Variants in VASP observed in about 807,000 individuals in gnomAD.
VASP encodes the protein vasodilator-stimulated phosphoprotein.
In VASP, 27 loss-of-function variants were observed where a neutral mutation model predicts 54.4. The observed-to-expected ratio is 0.50, with a 90% CI of 0.37 to 0.68. The LOEUF is 0.68. VASP is among the 30% of genes least tolerant of loss of function. The probability of loss-of-function intolerance (pLI) is 0.00; values close to 1 mark genes in which losing one functional copy is unlikely to be tolerated. For missense variants in VASP, 488 were observed against 528.3 expected (o/e 0.92, Z 0.75); for synonymous variants, 233 against 209.8 (o/e 1.11, Z -0.96).
chr19:45,514,891 A>G (rs1968672303), intron 1 of VASP, among the ~76,000 whole-genome samples: 2 of 152,170 alleles, frequency 1.3e-5, no homozygotes, highest in African/African-American at 2.4e-5. Flanking sequence ...CTGAATTCAC[A>G]TCTTCACTCT....
intron 7 of VASP, among the ~76,000 whole-genome samples, chr19:45,523,189 AATTTTTTTTTTTTT>A (rs938073490): frequency 1.8e-4 from 19 of 107,002 alleles, no homozygotes; most frequent in Admixed American, 8.8e-4. Flanking sequence ...CAATCTCTTG[AATTTTTTTTTTTTT>A]TTTTTTTTTT....
intron 1 of VASP, among the ~76,000 whole-genome samples, chr19:45,514,861 G>A (rs7255743): frequency 0.011 from 1,603 of 152,298 alleles, 20 homozygotes; most frequent in Non-Finnish European, 0.017. Context: ...CACAGTTCCC[G>A]GTGGTTAAGG....
In VASP at chr19:45,507,640, C is replaced by T. The variant is rs1599924940; in HGVS notation, c.-132C>T. 2.5e-6 allele frequency: 3 copies of T among 1,211,294 alleles called. No individual in the cohort carries two copies. Among genetic ancestry groups the T allele is most frequent in the Non-Finnish European group, 3.4e-6 (3 of 886,760 alleles). 75.0% of individuals were successfully genotyped at this position (1,211,294 alleles called of 1,614,324 possible). A position where few individuals can be genotyped will look rare whatever the true frequency, so the allele number is the denominator to read the frequency against. ...CCGGTCCACATTCTCCCCAGGAAGC[C>T]GGACTCTATGGGGCGGGACCCTGGG... is the stretch of plus-strand genomic sequence containing the variant. On this transcript the variant is annotated 5_prime_UTR_variant, in exon 1 of 13. Transcript: ENST00000245932. The surrounding 1 kb of genome is among the most constrained non-coding windows in gnomAD (Gnocchi z 4.4).
intron 1 of VASP, among the ~76,000 whole-genome samples, chr19:45,511,123 G>T (rs1042919803): frequency 6.6e-5 from 10 of 152,234 alleles, no homozygotes; most frequent in Middle Eastern, 3.4e-3. Context: ...GAAGGGACTA[G>T]AGTAGCCCCA....
intron 1 of VASP, among the ~76,000 whole-genome samples, chr19:45,513,465 CTCCT>C (rs1403865455): frequency 1.1e-4 from 13 of 120,898 alleles, no homozygotes; most frequent in African/African-American, 4.1e-4. Flanking sequence ...GCTAGTCTCT[CTCCT>C]TTTTTTTTTT....
At chr19:45,509,937 T>C (rs1968568640) in intron 1 of VASP, among the ~76,000 whole-genome samples, 1 of 152,116 alleles carries the variant, frequency 6.6e-6, no homozygotes, top group African/African-American at 2.4e-5. Flanking sequence ...AGAGAGGATG[T>C]TAAGATGGAA....
Position 45,517,942 on chromosome 19 carries a change from G to A in VASP, c.191G>A (p.Cys64Tyr), listed in dbSNP as rs1261500376. 1.9e-6 allele frequency: 3 copies of A among 1,610,720 alleles called. No individual in the cohort carries two copies. Among genetic ancestry groups the A allele is most frequent in the Admixed American group, 3.4e-5 (2 of 59,636 alleles). Residue 64 changes from cysteine to tyrosine, a missense_variant, in exon 3 of 13, where the codon TGT becomes TAT. By Grantham distance (194) the Cys-to-Tyr change is radical. Coordinates refer to ENST00000245932, the MANE Select transcript of VASP (RefSeq NM_003370.4). ...MQPDQQVVIN[C>Y]AIVRGVKYNQ... ...CCCTCCCACCAGGTGGTCATCAACT[G>A]TGCCATCGTCCGGGGTGTCAAGTAT...
At chr19:45,521,907 T>G (rs1158842414) in intron 4 of VASP, among the ~76,000 whole-genome samples, 1 of 151,728 alleles carries the variant, frequency 6.6e-6, no homozygotes, top group African/African-American at 2.4e-5. Context: ...GAAAGAATCT[T>G]GGGCATTTTG....
intron 7 of VASP, among the ~76,000 whole-genome samples, chr19:45,523,201 T>C (rs1399476015): frequency 7.7e-6 from 1 of 129,094 alleles, no homozygotes; most frequent in African/African-American, 3.0e-5. Flanking sequence ...TTTTTTTTTT[T>C]TTTTTTTTTT....
rs2122269378 is a variant in VASP, at chr19:45,507,700, C to T, written c.-72C>T. ...GCCGAGCCCGGAGCCAGCCCCGAAC[C>T]CCTGAACCTCCAGCCAGGGGCGCCC... On this transcript the variant is annotated 5_prime_UTR_variant, in exon 1 of 13. Coordinates refer to ENST00000245932, the MANE Select transcript of VASP (RefSeq NM_003370.4). The surrounding 1 kb of genome is among the most constrained non-coding windows in gnomAD (Gnocchi z 4.4). 6.6e-7 allele frequency: 1 copy of T among 1,512,418 alleles called. No homozygotes were observed. Among genetic ancestry groups the T allele is most frequent in the Non-Finnish European group, 8.8e-7 (1 of 1,136,378 alleles). 93.7% of individuals were successfully genotyped at this position (1,512,418 alleles called of 1,614,324 possible). A position where few individuals can be genotyped will look rare whatever the true frequency, so the allele number is the denominator to read the frequency against.
intron 3 of VASP, among the ~76,000 whole-genome samples, chr19:45,520,717 A>G (rs527961427): frequency 6.6e-6 from 1 of 152,244 alleles, no homozygotes; most frequent in East Asian, 1.9e-4. Context: ...TAATCTCAGC[A>G]CTTTGGGAGG....
chr19:45,516,546 C>T (rs1290965136), intron 1 of VASP, among the ~76,000 whole-genome samples: 1 of 152,200 alleles, frequency 6.6e-6, no homozygotes, highest in Non-Finnish European at 1.5e-5. Flanking sequence ...TGGCCTCCTT[C>T]TGGCCCCTCT....
chr19:45,521,691 C>T (rs1968837826), intron 4 of VASP, among the ~76,000 whole-genome samples: 1 of 152,094 alleles, frequency 6.6e-6, no homozygotes, highest in Admixed American at 6.6e-5. Flanking sequence ...GAGTTTGAGA[C>T]CAGCCTGGCC....
At chr19:45,517,090 C>T (rs1022354890) in intron 1 of VASP, among the ~76,000 whole-genome samples, 6 of 149,390 alleles carry the variant, frequency 4.0e-5, no homozygotes, top group South Asian at 2.1e-4. Context: ...CTCAGGAGGT[C>T]GAGGCCACAT....
intron 11 of VASP, 69 bp downstream of exon 11, chr19:45,524,729 C>T (rs906486430): frequency 7.6e-6 from 11 of 1,440,582 alleles, no homozygotes; most frequent in Admixed American, 5.5e-5. Context: ...ACTGGCATGC[C>T]GTATGATCCT....
At chr19:45,512,031 G>A (rs1968608949) in intron 1 of VASP, among the ~76,000 whole-genome samples, 1 of 152,152 alleles carries the variant, frequency 6.6e-6, no homozygotes, top group Non-Finnish European at 1.5e-5. Flanking sequence ...TTGAACTCGG[G>A]AAGTGGAGGC....
In VASP at chr19:45,526,403, T is replaced by G; in HGVS notation, c.*226T>G. On this transcript the variant is annotated 3_prime_UTR_variant, in exon 13 of 13. Coordinates refer to ENST00000245932, the MANE Select transcript of VASP (RefSeq NM_003370.4). Reference sequence around the variant, plus strand: ...CCCCGCCCTTTTCTCCCTTTGGTCCTTCCCCTCTGCCATCCCCTTGGGGCC... The same window carrying G: ...CCCCGCCCTTTTCTCCCTTTGGTCCGTCCCCTCTGCCATCCCCTTGGGGCC... 1.9e-6 allele frequency: 1 copy of G among 513,202 alleles called. No homozygotes were observed. The highest frequency in any genetic ancestry group is 3.4e-6 in the Non-Finnish European group (1 of 296,830). 31.8% of individuals were successfully genotyped at this position (513,202 alleles called of 1,614,324 possible). A position where few individuals can be genotyped will look rare whatever the true frequency, so the allele number is the denominator to read the frequency against.
At chr19:45,518,648 C>T (rs145829899) in intron 3 of VASP, among the ~76,000 whole-genome samples, 2,211 of 152,290 alleles carry the variant, frequency 0.015, 40 homozygotes, top group Non-Finnish European at 0.019. Context: ...CGGGAAACCA[C>T]CTCCCAGATC....
intron 3 of VASP, among the ~76,000 whole-genome samples, chr19:45,519,899 T>C (rs1270422690): frequency 1.2e-5 from 1 of 85,180 alleles, no homozygotes; most frequent in Non-Finnish European, 2.3e-5. Context: ...CCGGCCTTTT[T>C]TTTTTTTTTT....
Sources: allele counts gnomAD v4.1 joint callset (sites outside exome capture counted in the v4.1 genomes callset), GRCh38; gene constraint gnomAD v4.1.1; non-coding constraint Gnocchi (gnomAD v3.1); transcripts MANE v1.5; gene names NCBI Gene and HGNC (gene_info 2026-07-23, HGNC 2026-07-21).